Variants in ACOXL observed in about 807,000 individuals in gnomAD.
The protein encoded by ACOXL is acyl-coenzyme A oxidase-like protein.
A neutral mutation model predicts 71.9 loss-of-function variants in ACOXL; 70 were observed. That is an observed-to-expected ratio of 0.97 (90% CI 0.80 to 1.19). The LOEUF (loss-of-function observed/expected upper bound fraction) is 1.19, where lower values mean the gene tolerates loss of function less well. Among genes scored for constraint, ACOXL ranks in the 50% most tolerant of loss-of-function variants. The pLI is 0.00. For synonymous variants in ACOXL, 253 were observed against 281.6 expected, an observed-to-expected ratio of 0.90 and a Z score of 1.02; for missense variants, 703 against 736.3, an observed-to-expected ratio of 0.95 and a Z score of 0.52.
intron 16 of ACOXL, among the ~76,000 whole-genome samples, chr2:111,065,698 C>T (rs2067035751): frequency 6.6e-6 from 1 of 152,124 alleles, no homozygotes; most frequent in Admixed American, 6.5e-5. Context: ...AGGAAAAGGG[C>T]AAAAGATAAA....
chr2:111,053,787 C>G (rs1278103692), intron 16 of ACOXL, among the ~76,000 whole-genome samples: 2 of 152,220 alleles, frequency 1.3e-5, no homozygotes, highest in African/African-American at 4.8e-5. Context: ...ATAGCCCCAG[C>G]CAGGGGCCTC....
chr2:110,848,035 T>A (rs1168675743), intron 10 of ACOXL, among the ~76,000 whole-genome samples: 1 of 152,204 alleles, frequency 6.6e-6, no homozygotes, highest in Non-Finnish European at 1.5e-5. Flanking sequence ...GCAGCATCAA[T>A]GAGCAAATGA....
chr2:111,033,252 C>T (rs79583347), intron 15 of ACOXL, among the ~76,000 whole-genome samples: 3,022 of 152,230 alleles, frequency 0.02, 62 homozygotes, highest in Non-Finnish European at 0.027. Flanking sequence ...GATTGGGTCC[C>T]GTCATTTGCA....
rs567463439 is a variant in ACOXL, at chr2:110,821,533, G to A, written c.753+16138G>A. 3.9e-5 allele frequency among the ~76,000 whole-genome samples: 6 copies of A among 152,208 alleles called. No homozygotes were observed. In the East Asian group the frequency reaches 7.7e-4, roughly 20 times the overall value. On this transcript the variant is annotated intron_variant, in intron 9 of 17. Transcript: ENST00000439055. ...GACCATCACTGAGACCTTTGGGGCC[G>A]AGCAGGTGCCCTGTCCATCTCTTCA...
intron 12 of ACOXL, among the ~76,000 whole-genome samples, chr2:110,960,223 A>G (rs2061650111): frequency 6.6e-6 from 1 of 152,172 alleles, no homozygotes; most frequent in African/African-American, 2.4e-5. Context: ...GCCAGAATGA[A>G]CCCAAGCAAG....
chr2:110,871,832 G>A (rs991380243), intron 10 of ACOXL, among the ~76,000 whole-genome samples: 4 of 152,134 alleles, frequency 2.6e-5, no homozygotes, highest in Admixed American at 2.0e-4. Flanking sequence ...GCAAGGGGAC[G>A]CTTCCTTTGG....
chr2:110,935,940 C>T (rs913010908), intron 12 of ACOXL, among the ~76,000 whole-genome samples: 3 of 152,078 alleles, frequency 2.0e-5, no homozygotes, highest in Non-Finnish European at 2.9e-5. Context: ...TCATGAGGAG[C>T]GTGCAGATCT....
At chr2:110,734,856 GTGACCA>G (rs957935881) in intron 1 of ACOXL, among the ~76,000 whole-genome samples, 1 of 145,578 alleles carries the variant, frequency 6.9e-6, no homozygotes, top group Non-Finnish European at 1.5e-5. Flanking sequence ...TATTTCCTGT[GTGACCA>G]TTGTCCTGGA....
chr2:110,994,074 A>T lies in ACOXL; in HGVS notation c.1170-1819A>T, dbSNP rs140622800. ...TCACATGACTCAGCGAGTGGGTGAG[A>T]TCCCCTTCCTGCAGCACGTGCAGTT... On this transcript the variant is annotated intron_variant, in intron 13 of 17. Coordinates refer to ENST00000439055, the MANE Select transcript of ACOXL (RefSeq NM_001142807.4). Among the ~76,000 whole-genome samples, 277 of 152,306 alleles carry T rather than the reference A, an allele frequency of 1.8e-3. 1 individual carries two copies. Among genetic ancestry groups the T allele is most frequent in the East Asian group, 0.017 (86 of 5,178 alleles).
At position 110,972,707 on chromosome 2, in the gene ACOXL, C is replaced by T. The variant is rs77859801; in HGVS notation, c.1060-14401C>T. ...TCAAGGTCAGCAAAGGAAAAAGACA[C>T]ATGGGCTGAAGTCCAGAGGAAACCA... On this transcript the variant is annotated intron_variant, in intron 12 of 17. Coordinates refer to ENST00000439055, the MANE Select transcript of ACOXL (RefSeq NM_001142807.4). 4.2e-3 allele frequency among the ~76,000 whole-genome samples: 643 copies of T among 152,126 alleles called. 23 individuals carry two copies. The East Asian group carries it at 0.077, about 18-fold the overall frequency.
intron 2 of ACOXL, among the ~76,000 whole-genome samples, chr2:110,772,666 T>TA (rs1682106468): frequency 1.3e-5 from 2 of 152,070 alleles, no homozygotes; most frequent in South Asian, 4.2e-4. Context: ...CTCTGGTTTT[T>TA]ATCCCCATGA....
chr2:110,991,144 A>G (rs545436571), intron 13 of ACOXL, among the ~76,000 whole-genome samples: 7 of 152,238 alleles, frequency 4.6e-5, no homozygotes, highest in Non-Finnish European at 1.0e-4. Flanking sequence ...GTTTAAGTAA[A>G]TTGTATTTTT....
intron 7 of ACOXL, among the ~76,000 whole-genome samples, chr2:110,799,908 T>C (rs766162144): frequency 7.9e-5 from 12 of 152,068 alleles, no homozygotes; most frequent in Non-Finnish European, 1.5e-4. Context: ...CTCTGTAAAA[T>C]GCACCAATCA....
At chr2:110,963,603 G>GTT (rs752484018) in intron 12 of ACOXL, 1 of 1,293,096 alleles carries the variant, frequency 7.7e-7, no homozygotes, top group Admixed American at 2.2e-5. Context: ...GTGTGTGTGT[G>GTT]TTTTTCTCTT....
At chr2:111,002,632 G>A (rs2063688725) in intron 14 of ACOXL, among the ~76,000 whole-genome samples, 1 of 152,106 alleles carries the variant, frequency 6.6e-6, no homozygotes, top group South Asian at 2.1e-4. Context: ...TGGTATTAGG[G>A]TCCACATTTC....
At chr2:110,769,015 G>A (rs1573423850) in intron 2 of ACOXL, among the ~76,000 whole-genome samples, 2 of 151,762 alleles carry the variant, frequency 1.3e-5, no homozygotes, top group Admixed American at 1.3e-4. Context: ...TCTCACAGGC[G>A]AGGGAATAGG....
intron 5 of ACOXL, 116 bp from the exon 6 acceptor site, chr2:110,798,494 G>T (rs578239435): frequency 1.3e-5 from 10 of 748,858 alleles, no homozygotes; most frequent in Non-Finnish European, 2.1e-5. Context: ...CTGACCTCGT[G>T]ATCCACCCAC....
Position 110,784,789 on chromosome 2 carries a change from A to G in ACOXL, c.133A>G (p.Met45Val). ...RSLVIGEVLS[M>V]ADMATGVKCG... ...CCTTGTCATAGGAGAAGTCCTCTCCATGGCGGACATGGCCACAGGAGTGAA... is the reference window on the plus strand; with the variant it reads ...CCTTGTCATAGGAGAAGTCCTCTCCGTGGCGGACATGGCCACAGGAGTGAA... The change falls in exon 3 of 18, where the codon ATG becomes GTG. Residue 45 changes from methionine to valine, a missense_variant. Physicochemically the swap from Met to Val is conservative, Grantham distance 21. Coordinates refer to ENST00000439055, the MANE Select transcript of ACOXL (RefSeq NM_001142807.4). 1 of 1,608,124 alleles carries G rather than the reference A, an allele frequency of 6.2e-7. No homozygotes were observed. Among genetic ancestry groups the G allele is most frequent in the Non-Finnish European group, 8.5e-7 (1 of 1,178,064 alleles).
intron 3 of ACOXL, among the ~76,000 whole-genome samples, chr2:110,792,824 C>T (rs946013758): frequency 1.3e-5 from 2 of 152,034 alleles, no homozygotes; most frequent in Non-Finnish European, 2.9e-5. Flanking sequence ...ACAAAAAACC[C>T]ACAAAAGGCC....
Sources: gnomAD v4.1 joint callset for allele counts (sites outside exome capture counted in the v4.1 genomes callset) on GRCh38, gnomAD v4.1.1 for gene constraint, MANE v1.5 for transcripts, NCBI Gene and HGNC (gene_info 2026-07-23, HGNC 2026-07-21) for gene names.